The following SLC15A2 variants were observed in gnomAD, a reference collection of about 807,000 sequenced individuals.
SLC15A2 encodes the protein solute carrier family 15 member 2.
In SLC15A2, 77 loss-of-function variants were observed where a neutral mutation model predicts 95.5. The observed-to-expected ratio is 0.81, with a 90% CI of 0.67 to 0.97. The LOEUF (loss-of-function observed/expected upper bound fraction) is 0.97. SLC15A2 is among the 50% of genes least tolerant of loss of function. The probability of loss-of-function intolerance (pLI) is 0.00; values close to 1 mark genes in which losing one functional copy is unlikely to be tolerated. For missense variants in SLC15A2, 893 were observed against 874.4 expected (o/e 1.02, Z -0.27); for synonymous variants, 306 against 306.9 (o/e 1.00, Z 0.03).
At chr3:121,931,188 A>G (rs920845740) in intron 18 of SLC15A2, among the ~76,000 whole-genome samples, 4 of 152,194 alleles carry the variant, frequency 2.6e-5, no homozygotes, top group African/African-American at 9.7e-5. Flanking sequence ...CCATCTCTGT[A>G]TAGTTAACAC....
At chr3:121,910,002 G>T (rs1028305205) in intron 3 of SLC15A2, among the ~76,000 whole-genome samples, 1 of 151,452 alleles carries the variant, frequency 6.6e-6, no homozygotes, top group Admixed American at 6.6e-5. Flanking sequence ...TTTCCTCTAT[G>T]ATGATCTAAC....
intron 3 of SLC15A2, among the ~76,000 whole-genome samples, chr3:121,909,342 G>A (rs1453890159): frequency 6.6e-6 from 1 of 152,116 alleles, no homozygotes; most frequent in Non-Finnish European, 1.5e-5. Context: ...GGATTACAGG[G>A]GTGAACCACT....
At chr3:121,914,229 G>A (rs1290956369) in intron 5 of SLC15A2, among the ~76,000 whole-genome samples, 1 of 152,192 alleles carries the variant, frequency 6.6e-6, no homozygotes, top group Non-Finnish European at 1.5e-5. Flanking sequence ...TTGAAACCAG[G>A]AGAGGAAACA....
chr3:121,922,461 G>A (rs1710025659), intron 8 of SLC15A2, among the ~76,000 whole-genome samples, 159 bp downstream of exon 8: 1 of 148,882 alleles, frequency 6.7e-6, no homozygotes, highest in African/African-American at 2.5e-5. Flanking sequence ...TTCTTCTTAT[G>A]CCTCTACTTA....
At chr3:121,933,527 T>C (rs1710274657) in intron 19 of SLC15A2, among the ~76,000 whole-genome samples, 1 of 152,074 alleles carries the variant, frequency 6.6e-6, no homozygotes, top group Non-Finnish European at 1.5e-5. Flanking sequence ...GATGAGCATT[T>C]TTTCACGTGT....
In SLC15A2 at chr3:121,896,402, A is replaced by G; in HGVS notation, c.106-4A>G. On this transcript the variant is annotated splice_polypyrimidine_tract_variant and splice_region_variant and intron_variant, in intron 1 of 21. Transcript: ENST00000489711. Reference sequence around the variant, plus strand: ...GCTTGAATCATTGCCTTCTTGTTGAATAGACAATCTGTGGCTCCAACTATC... The same window carrying G: ...GCTTGAATCATTGCCTTCTTGTTGAGTAGACAATCTGTGGCTCCAACTATC... 6.2e-7 allele frequency: 1 copy of G among 1,611,332 alleles called. No homozygotes were observed. Among genetic ancestry groups the G allele is most frequent in the South Asian group, 1.1e-5 (1 of 91,026 alleles).
chr3:121,925,108 T>C, intron 13 of SLC15A2, 75 bp downstream of exon 13: 1 of 1,021,176 alleles, frequency 9.8e-7, no homozygotes, highest in Non-Finnish European at 1.5e-6. Context: ...AGATTCAATG[T>C]CAGTATTTTT....
In SLC15A2 at chr3:121,913,161, C is replaced by G. The variant is rs369611906; in HGVS notation, c.528+41C>G. 165 of 1,471,162 alleles carry G rather than the reference C, an allele frequency of 1.1e-4. No homozygotes were observed. The African/African-American group carries it at 2.1e-3, about 19-fold the overall frequency. The allele number at this position is 1,471,162 out of a possible 1,614,324, so 91.1% of individuals were successfully genotyped here. A position where few individuals can be genotyped will look rare whatever the true frequency, so the allele number is the denominator to read the frequency against. On this transcript the variant is annotated intron_variant, in intron 5 of 21. Coordinates refer to ENST00000489711, the MANE Select transcript of SLC15A2 (RefSeq NM_021082.4). ...TTTTGTATTTTCAAGAATATAGAGC[C>G]AGCATTAATGGGGGTATCTGGCAGG...
chr3:121,916,875 C>A (rs1206426102), intron 7 of SLC15A2, among the ~76,000 whole-genome samples: 1 of 151,920 alleles, frequency 6.6e-6, no homozygotes, highest in Admixed American at 6.6e-5. Flanking sequence ...GGCTGGAGTG[C>A]AGTGGCATGA....
At chr3:121,910,718 A>G (rs986865531) in intron 3 of SLC15A2, among the ~76,000 whole-genome samples, 7 of 152,210 alleles carry the variant, frequency 4.6e-5, no homozygotes, top group Admixed American at 4.6e-4. Flanking sequence ...GTTCATTATA[A>G]TGCTAACATT....
intron 15 of SLC15A2, 143 bp from the exon 16 acceptor site, chr3:121,928,839 G>T (rs1348630586): frequency 2.2e-6 from 2 of 899,590 alleles, no homozygotes; most frequent in South Asian, 1.9e-5. Context: ...TAAATTCCAA[G>T]AAATAAAATG....
At chr3:121,905,752 A>T (rs149728818) in intron 3 of SLC15A2, among the ~76,000 whole-genome samples, 10 of 152,246 alleles carry the variant, frequency 6.6e-5, no homozygotes, top group Admixed American at 1.3e-4. Context: ...TTTGCTGAGG[A>T]GTGCTTTACT....
chr3:121,940,511 A>T, intron 21 of SLC15A2, 23 bp downstream of exon 21: 1 of 1,575,420 alleles, frequency 6.3e-7, no homozygotes, highest in Non-Finnish European at 8.7e-7. Flanking sequence ...GGGAAGCAGG[A>T]TTCATTTCTA....
intron 5 of SLC15A2, chr3:121,914,815 G>A (rs112333868): frequency 0.015 from 2,407 of 162,864 alleles, 68 homozygotes; most frequent in African/African-American, 0.064. Flanking sequence ...CTGAGACTGC[G>A]CCACTGCATT....
intron 3 of SLC15A2, among the ~76,000 whole-genome samples, chr3:121,907,787 T>C (rs7635449): frequency 0.45 from 68,022 of 152,096 alleles, 15,752 homozygotes; most frequent in East Asian, 0.69. Context: ...AAGTGTCAGT[T>C]GGTCCCCACT....
intron 3 of SLC15A2, among the ~76,000 whole-genome samples, chr3:121,898,738 T>C (rs766477121): frequency 2.0e-5 from 3 of 152,202 alleles, no homozygotes; most frequent in Non-Finnish European, 4.4e-5. Context: ...TTGTAGTATG[T>C]AGTGTTTCCC....
chr3:121,903,748 C>T (rs1266635270), intron 3 of SLC15A2, among the ~76,000 whole-genome samples: 1 of 152,190 alleles, frequency 6.6e-6, no homozygotes, highest in African/African-American at 2.4e-5. Context: ...GTTTTGGTTA[C>T]TGTCGCCTTG....
At chr3:121,911,318 G>C (rs2107582774) in intron 3 of SLC15A2, among the ~76,000 whole-genome samples, 1 of 152,244 alleles carries the variant, frequency 6.6e-6, no homozygotes, top group East Asian at 1.9e-4. Flanking sequence ...AGGGGAAGGT[G>C]GGTATAGGAA....
chr3:121,935,825 C>T (rs546310513), intron 19 of SLC15A2, among the ~76,000 whole-genome samples: 57 of 152,102 alleles, frequency 3.7e-4, no homozygotes, highest in African/African-American at 1.3e-3. Context: ...TGTGTTTGCT[C>T]TTGCTTTTCT....
Sources: gnomAD v4.1 joint callset for allele counts (sites outside exome capture counted in the v4.1 genomes callset) on GRCh38, gnomAD v4.1.1 for gene constraint, MANE v1.5 for transcripts, NCBI Gene and HGNC (gene_info 2026-07-23, HGNC 2026-07-21) for gene names.